CNTNAP2: variants seen among roughly 807,000 people sequenced by gnomAD.
CNTNAP2 encodes the protein contactin-associated protein-like 2.
In CNTNAP2, 98 loss-of-function variants were observed where a neutral mutation model predicts 155.2. The ratio of observed to expected loss-of-function variants is 0.63; its 90% CI spans 0.54 to 0.75. The LOEUF is 0.75. CNTNAP2 is among the 30% of genes least tolerant of loss of function. CNTNAP2 has a pLI of 0.00. For synonymous variants in CNTNAP2, 651 were observed against 631.2 expected (o/e 1.03, Z -0.47); for missense variants, 1,727 against 1,688.1 (o/e 1.02, Z -0.40).
At chr7:147,215,871 G>A (rs1170433538) in intron 8 of CNTNAP2, among the ~76,000 whole-genome samples, 3 of 152,008 alleles carry the variant, frequency 2.0e-5, no homozygotes, top group African/African-American at 7.2e-5. Context: ...AAGTGTTCTG[G>A]ATTTTGGCCA....
chr7:148,147,351 G>C, intron 16 of CNTNAP2, 140 bp from the exon 17 acceptor site: 1 of 821,772 alleles, frequency 1.2e-6, no homozygotes, highest in East Asian at 2.4e-5. Context: ...TTCTTCCATT[G>C]ATTTTGCCAT....
intron 13 of CNTNAP2, among the ~76,000 whole-genome samples, chr7:147,734,519 T>C (rs1434550932): frequency 2.0e-5 from 3 of 152,236 alleles, no homozygotes; most frequent in African/African-American, 4.8e-5. Flanking sequence ...ATCAGGATGA[T>C]GCTGGCCTCA....
At chr7:147,363,709 CT>C (rs1356438904) in intron 9 of CNTNAP2, among the ~76,000 whole-genome samples, 1 of 152,052 alleles carries the variant, frequency 6.6e-6, no homozygotes, top group African/African-American at 2.4e-5. Flanking sequence ...TTTCTATTAA[CT>C]TCTCATTTTA....
At chr7:147,047,358 T>C (rs1026808102) in intron 4 of CNTNAP2, among the ~76,000 whole-genome samples, 4 of 150,938 alleles carry the variant, frequency 2.7e-5, no homozygotes, top group Non-Finnish European at 5.9e-5. Flanking sequence ...GCTGACCTCA[T>C]GATCCGCCCA....
chr7:146,836,355 TG>T (rs1191387460), intron 2 of CNTNAP2, among the ~76,000 whole-genome samples: 1 of 152,204 alleles, frequency 6.6e-6, no homozygotes, highest in African/African-American at 2.4e-5. Flanking sequence ...CATACTCTTT[TG>T]TGTATGTACT....
intron 2 of CNTNAP2, among the ~76,000 whole-genome samples, chr7:146,790,089 T>A (rs183792562): frequency 2.6e-5 from 4 of 152,174 alleles, no homozygotes; most frequent in African/African-American, 9.6e-5. Flanking sequence ...CCTGGAAAAC[T>A]AGAAACTCCC....
intron 8 of CNTNAP2, among the ~76,000 whole-genome samples, chr7:147,170,638 G>A (rs1159460746): frequency 6.6e-6 from 1 of 152,086 alleles, no homozygotes; most frequent in African/African-American, 2.4e-5. Context: ...GCACTCCTGA[G>A]CCATAGGATC....
At position 147,895,852 on chromosome 7, in the gene CNTNAP2, T is replaced by C. The variant is rs35203101; in HGVS notation, c.2099-7713T>C. 7.7e-3 allele frequency among the ~76,000 whole-genome samples: 1,168 copies of C among 152,376 alleles called. 21 individuals carry two copies. In the East Asian group the frequency reaches 0.086, roughly 11 times the overall value. The stretch of plus-strand genomic sequence containing the variant: ...CAACAAATTAATAATTTATTTTAGT[T>C]ACAGTGATTTAACCAAATTAGCCAA... On this transcript the variant is annotated intron_variant, in intron 13 of 23. Coordinates refer to ENST00000361727, the MANE Select transcript of CNTNAP2 (RefSeq NM_014141.6).
Position 148,415,726 on chromosome 7 carries a change from C to A in CNTNAP2, c.*110C>A. On this transcript the variant is annotated 3_prime_UTR_variant, in exon 24 of 24. Coordinates refer to ENST00000361727, the MANE Select transcript of CNTNAP2 (RefSeq NM_014141.6). The stretch of plus-strand genomic sequence containing the variant: ...TGAGCACATCCTTAAAATATCAGCA[C>A]AAGTTGGGGGAGGCAGGCAATGGAA... 8.1e-7 allele frequency: 1 copy of A among 1,239,616 alleles called. No individual in the cohort carries two copies. Among genetic ancestry groups the A allele is most frequent in the East Asian group, 2.4e-5 (1 of 40,986 alleles). 76.8% of individuals were successfully genotyped at this position (1,239,616 alleles called of 1,614,324 possible).
intron 22 of CNTNAP2, among the ~76,000 whole-genome samples, chr7:148,403,124 G>A (rs965481849): frequency 4.2e-5 from 2 of 48,014 alleles, no homozygotes; most frequent in Non-Finnish European, 4.7e-5. Flanking sequence ...GTGTGTGGGC[G>A]CTAAAGCCTT....
At chr7:147,047,673 T>C (rs1269721439) in intron 4 of CNTNAP2, among the ~76,000 whole-genome samples, 1 of 152,192 alleles carries the variant, frequency 6.6e-6, no homozygotes, top group African/African-American at 2.4e-5. Flanking sequence ...AGGTGTAGAC[T>C]TAAACTGTGA....
rs956285725 is a variant in CNTNAP2 at position 146,849,433 on chromosome 7, A to C, written c.402+9529A>C. Among the ~76,000 whole-genome samples, 4 of 152,318 alleles carry C rather than the reference A, an allele frequency of 2.6e-5. No individual in the cohort carries two copies. In the South Asian group the frequency reaches 8.3e-4, roughly 32 times the overall value. On this transcript the variant is annotated intron_variant, in intron 3 of 23. Coordinates refer to ENST00000361727, the MANE Select transcript of CNTNAP2 (RefSeq NM_014141.6). Reference sequence around the variant, plus strand: ...GTTCAGCAAGAAGTTCCATTACTATAATGAACCCCTGCTCATTTTGAGTAA... The same window carrying C: ...GTTCAGCAAGAAGTTCCATTACTATCATGAACCCCTGCTCATTTTGAGTAA...
chr7:146,501,535 T>C (rs902844894), intron 1 of CNTNAP2, among the ~76,000 whole-genome samples: 33 of 152,224 alleles, frequency 2.2e-4, no homozygotes, highest in African/African-American at 6.0e-4. Flanking sequence ...TAAGCTTTTT[T>C]ATTTGTAATT....
At chr7:146,856,122 T>C (rs149757107) in intron 3 of CNTNAP2, among the ~76,000 whole-genome samples, 2 of 152,058 alleles carry the variant, frequency 1.3e-5, no homozygotes, top group African/African-American at 2.4e-5. Flanking sequence ...ATAATTCATA[T>C]TGGTCAAACC....
intron 11 of CNTNAP2, among the ~76,000 whole-genome samples, chr7:147,552,078 A>T (rs1056475578): frequency 9.2e-5 from 14 of 152,186 alleles, no homozygotes; most frequent in Non-Finnish European, 4.4e-5. Context: ...TATGGACTGT[A>T]AGTTACAGAA....
At chr7:147,320,155 G>A (rs1795322234) in intron 9 of CNTNAP2, among the ~76,000 whole-genome samples, 1 of 152,122 alleles carries the variant, frequency 6.6e-6, no homozygotes, top group African/African-American at 2.4e-5. Flanking sequence ...TGGTCAAGAT[G>A]TCTTCCATCC....
intron 18 of CNTNAP2, among the ~76,000 whole-genome samples, chr7:148,203,864 T>C (rs1795405104): frequency 6.6e-6 from 1 of 152,138 alleles, no homozygotes; most frequent in South Asian, 2.1e-4. Context: ...GGCCAGAATA[T>C]GCAGGGTTAG....
At chr7:146,774,511 T>G in intron 2 of CNTNAP2, 130 bp downstream of exon 2, 2 of 685,484 alleles carry the variant, frequency 2.9e-6, no homozygotes, top group South Asian at 3.2e-5. Context: ...CCACTTCTAT[T>G]AAAAGATCCA....
At chr7:148,369,231 C>G (rs1393055946) in intron 21 of CNTNAP2, among the ~76,000 whole-genome samples, 2 of 105,990 alleles carry the variant, frequency 1.9e-5, no homozygotes, top group Non-Finnish European at 3.4e-5. Context: ...GACAGAGTGC[C>G]TCTATTGCCC....
Sources: allele counts gnomAD v4.1 joint callset (sites outside exome capture counted in the v4.1 genomes callset), GRCh38; gene constraint gnomAD v4.1.1; transcripts MANE v1.5; gene names NCBI Gene and HGNC (gene_info 2026-07-23, HGNC 2026-07-21).